MRTFB: variants seen among roughly 807,000 people sequenced by gnomAD.
The protein encoded by MRTFB is myocardin-related transcription factor B.
MRTFB carries 29 observed loss-of-function variants against 104.2 expected under a neutral mutation model. The observed-to-expected ratio is 0.28, with a 90% CI of 0.21 to 0.38. The LOEUF is 0.38. Ranked by LOEUF, MRTFB falls within the 10% of genes least tolerant of loss-of-function variation. The pLI, the probability that MRTFB is intolerant of heterozygous loss-of-function variation, is 1.00. For missense variants in MRTFB, 1,270 were observed against 1,341.6 expected, an observed-to-expected ratio of 0.95 and a Z score of 0.83; for synonymous variants, 535 against 519.5, an observed-to-expected ratio of 1.03 and a Z score of -0.41.
the MRTFB span, among the ~76,000 whole-genome samples, chr16:14,006,502 G>A: frequency 3.3e-5 from 5 of 150,218 alleles, no homozygotes; most frequent in African/African-American, 1.2e-4. Flanking sequence ...AGCAGAGTGA[G>A]ACTCTGTCTC....
chr16:14,187,381 TAGTG>T (rs1446313571), intron 3 of MRTFB, among the ~76,000 whole-genome samples: 1 of 152,232 alleles, frequency 6.6e-6, no homozygotes, highest in Non-Finnish European at 1.5e-5. Context: ...TTTTTTATGT[TAGTG>T]AGAACACTGC....
chr16:14,029,405 TAAA>T, the MRTFB span, among the ~76,000 whole-genome samples: 216 of 87,114 alleles, frequency 2.5e-3, no homozygotes, highest in African/African-American at 8.8e-3. Flanking sequence ...GACTCTGTCT[TAAA>T]AAAAAAAAAA....
At chr16:14,060,981 C>T in the MRTFB span, among the ~76,000 whole-genome samples, 2 of 152,036 alleles carry the variant, frequency 1.3e-5, no homozygotes, top group Non-Finnish European at 2.9e-5. Context: ...CCTGTCTCTA[C>T]TAAAAATACA....
rs370452153 is a variant in MRTFB at position 14,246,781 on chromosome 16, A to G, written c.1521A>G (p.Pro507=). ...TTCATTCCCCTCTGCCCATTTCACC[A>G]TCTCCCTCCGAACAGTCCAGTCTCA... ...ENVHSPLPIS[P]SPSEQSSLST... Residue 507 remains proline, a synonymous_variant, in exon 12 of 17, where the codon CCA becomes CCG. Transcript: ENST00000571589. 6.8e-5 allele frequency: 109 copies of G among 1,613,770 alleles called. No homozygotes were observed. Among genetic ancestry groups the G allele is most frequent in the Non-Finnish European group, 8.3e-5 (98 of 1,180,022 alleles).
chr16:14,071,618 T>C (rs2033699526), intron 1 of MRTFB, among the ~76,000 whole-genome samples: 2 of 151,766 alleles, frequency 1.3e-5, no homozygotes, highest in South Asian at 4.2e-4. Context: ...CGGGGCCGCC[T>C]CAGTGTCCAT....
the MRTFB span, chr16:14,019,263 T>C: frequency 6.6e-6 from 1 of 152,210 alleles, no homozygotes; most frequent in Admixed American, 6.5e-5. Flanking sequence ...GCACCATATA[T>C]TGGATACTAA....
Position 14,168,051 on chromosome 16 carries a change from A to G in MRTFB, c.154+27291A>G, listed in dbSNP as rs368767736. Among the ~76,000 whole-genome samples the G allele has an allele frequency of 9.2e-5, 14 of 152,282 alleles. No homozygotes were observed. In the East Asian group the frequency reaches 2.3e-3, roughly 25 times the overall value. On this transcript the variant is annotated intron_variant, in intron 3 of 16. Transcript: ENST00000571589. ...GGGGCCTAGTTTTAGTTTTCTGCAT[A>G]TGGCTAGCCAGTTCTCCTAACACCA...
At chr16:14,207,310 G>C (rs1457938350) in intron 3 of MRTFB, among the ~76,000 whole-genome samples, 1 of 152,176 alleles carries the variant, frequency 6.6e-6, no homozygotes, top group Non-Finnish European at 1.5e-5. Context: ...TAGAAAATGG[G>C]ATAGAAAACA....
chr16:14,097,808 G>T (rs1363819558), intron 2 of MRTFB, among the ~76,000 whole-genome samples: 1 of 152,128 alleles, frequency 6.6e-6, no homozygotes, highest in Non-Finnish European at 1.5e-5. Flanking sequence ...TTGTTCGAGG[G>T]TTTTGTATAA....
chr16:14,080,269 T>C (rs2034317089), intron 2 of MRTFB, among the ~76,000 whole-genome samples: 1 of 152,234 alleles, frequency 6.6e-6, no homozygotes, highest in African/African-American at 2.4e-5. Context: ...CCCCTCAGAA[T>C]CCACAAGAGT....
chr16:14,087,835 A>G (rs980348533), intron 2 of MRTFB, among the ~76,000 whole-genome samples: 7 of 152,194 alleles, frequency 4.6e-5, no homozygotes, highest in South Asian at 4.1e-4. Context: ...CTTGGGAATT[A>G]CAATCAGATT....
the MRTFB span, among the ~76,000 whole-genome samples, chr16:14,004,961 A>G: frequency 2.0e-5 from 3 of 152,234 alleles, no homozygotes; most frequent in African/African-American, 4.8e-5. Context: ...TGCAATCAGC[A>G]GGGACTAAAT....
chr16:14,252,606 C>G, intron 15 of MRTFB, 104 bp downstream of exon 15: 1 of 1,306,448 alleles, frequency 7.7e-7, no homozygotes, highest in South Asian at 2.0e-5. Flanking sequence ...TGACTTGCCT[C>G]AATAGAAATA....
Position 14,104,023 on chromosome 16 carries a change from T to G in MRTFB, c.-64+24669T>G, listed in dbSNP as rs973049349. ...GGAAAAAAATAATGAAATGACATGA[T>G]AAAGTGACATTTGTACTGAAGTATA... is the stretch of plus-strand genomic sequence containing the variant. On this transcript the variant is annotated intron_variant, in intron 2 of 16. Transcript: ENST00000571589. 5.3e-5 allele frequency among the ~76,000 whole-genome samples: 8 copies of G among 152,306 alleles called. No homozygotes were observed. In the East Asian group the frequency reaches 1.3e-3, roughly 26 times the overall value.
chr16:14,259,486 C>T (rs1027030037), intron 16 of MRTFB, among the ~76,000 whole-genome samples: 1 of 151,634 alleles, frequency 6.6e-6, no homozygotes, highest in African/African-American at 2.4e-5. Context: ...CTTGTGACAC[C>T]GTGCCTTGCC....
At chr16:14,176,993 T>G (rs2039604389) in intron 3 of MRTFB, among the ~76,000 whole-genome samples, 1 of 152,204 alleles carries the variant, frequency 6.6e-6, no homozygotes, top group Non-Finnish European at 1.5e-5. Flanking sequence ...CTGGAACTAG[T>G]TCTTGAAGAT....
At chr16:14,126,873 G>T (rs2037136775) in intron 2 of MRTFB, among the ~76,000 whole-genome samples, 1 of 152,156 alleles carries the variant, frequency 6.6e-6, no homozygotes, top group South Asian at 2.1e-4. Context: ...TGAAACAGGG[G>T]CTAAATACTA....
At chr16:14,108,292 A>G (rs548981732) in intron 2 of MRTFB, among the ~76,000 whole-genome samples, 6 of 152,346 alleles carry the variant, frequency 3.9e-5, no homozygotes, top group South Asian at 2.1e-4. Context: ...GTATATATGG[A>G]GTCCTCTACC....
At chr16:14,235,045 G>A (rs2042433621) in intron 9 of MRTFB, among the ~76,000 whole-genome samples, 2 of 152,250 alleles carry the variant, frequency 1.3e-5, no homozygotes, top group South Asian at 2.1e-4. Flanking sequence ...GGGAGACTGA[G>A]GCCCAAAGAA....
Sources: gnomAD v4.1 joint callset for allele counts (sites outside exome capture counted in the v4.1 genomes callset) on GRCh38, gnomAD v4.1.1 for gene constraint, MANE v1.5 for transcripts, NCBI Gene and HGNC (gene_info 2026-07-23, HGNC 2026-07-21) for gene names.